ASMT: variants seen among roughly 807,000 people sequenced by gnomAD.
The protein encoded by ASMT is acetylserotonin N-methyltransferase.
ASMT carries 53 observed loss-of-function variants against 41.3 expected under a neutral mutation model. The observed-to-expected ratio is 1.28, with a 90% CI of 1.03 to 1.61. ASMT has a LOEUF of 1.61. Among genes scored for constraint, ASMT ranks in the 40% most tolerant of loss-of-function variants. The pLI, the probability that ASMT is intolerant of heterozygous loss-of-function variation, is 0.00. For synonymous variants in ASMT, 231 were observed against 184.8 expected, an observed-to-expected ratio of 1.25 and a Z score of -2.03; for missense variants, 531 against 441.3, an observed-to-expected ratio of 1.20 and a Z score of -1.82.
chrX:1,637,046 G>A (rs1935008653), intron 8 of ASMT, among the ~76,000 whole-genome samples: 1 of 105,002 alleles, frequency 9.5e-6, no homozygotes, highest in Non-Finnish European at 2.0e-5. Flanking sequence ...CATCCATCCT[G>A]ATGGCACATG....
At chrX:1,626,755 C>T (rs1264079345) in intron 3 of ASMT, among the ~76,000 whole-genome samples, 22 of 152,120 alleles carry the variant, frequency 1.4e-4, no homozygotes, top group Non-Finnish European at 2.5e-4. Flanking sequence ...TGGCCAGGCG[C>T]GGTGGCTCAC....
chrX:1,633,931 C>A lies in ASMT; in HGVS notation c.787+641C>A, dbSNP rs780302676. Among the ~76,000 whole-genome samples the A allele has an allele frequency of 6.7e-5, 10 of 150,372 alleles. No homozygotes were observed. The East Asian group carries it at 1.9e-3, about 29-fold the overall frequency. ...GGGATTACAGGTGTGAACCATCACACCCGGCCTCTTTTTGTATTTTTAGTA... is the reference window on the plus strand; with the variant it reads ...GGGATTACAGGTGTGAACCATCACAACCGGCCTCTTTTTGTATTTTTAGTA... On this transcript the variant is annotated intron_variant, in intron 7 of 8. Coordinates refer to ENST00000381241, the MANE Select transcript of ASMT (RefSeq NM_001171038.2).
intron 5 of ASMT, among the ~76,000 whole-genome samples, chrX:1,631,448 A>G (rs1934773461): frequency 6.6e-6 from 1 of 151,932 alleles, no homozygotes; most frequent in Non-Finnish European, 1.5e-5. Flanking sequence ...GCCGTGATCC[A>G]CCCACCCTAT....
At chrX:1,622,164 G>A (rs1176897862) in intron 1 of ASMT, among the ~76,000 whole-genome samples, 9 of 151,350 alleles carry the variant, frequency 5.9e-5, no homozygotes, top group African/African-American at 2.2e-4. Flanking sequence ...GCTAATTTTT[G>A]TATTTTTAGT....
At chrX:1,618,886 G>A (rs1168843900) in intron 1 of ASMT, among the ~76,000 whole-genome samples, 14 of 152,310 alleles carry the variant, frequency 9.2e-5, no homozygotes, top group African/African-American at 3.4e-4. Context: ...CGGTGTTCAG[G>A]GAGGTGGTCT....
rs1423104837 is a variant in ASMT, at chrX:1,615,100, C to T, written c.-100C>T. On this transcript the variant is annotated 5_prime_UTR_variant, in exon 1 of 9. Transcript: ENST00000381241. ...GGCAGCAGGGAGAGTCAGGCAGCAG[C>T]TGTGAGCGGGTGGCTCTTCCCCACC... 5.1e-6 allele frequency: 5 copies of T among 973,548 alleles called. No homozygotes were observed. The highest frequency in any genetic ancestry group is 8.1e-6 in the Non-Finnish European group (5 of 618,484). 60.3% of individuals were successfully genotyped at this position (973,548 alleles called of 1,614,324 possible). A position where few individuals can be genotyped will look rare whatever the true frequency, so the allele number is the denominator to read the frequency against.
chrX:1,619,239 C>CA (rs1187626094), intron 1 of ASMT, among the ~76,000 whole-genome samples: 1 of 151,678 alleles, frequency 6.6e-6, no homozygotes, highest in Non-Finnish European at 1.5e-5. Context: ...ACTAAAAATA[C>CA]AAAAATTACC....
Position 1,623,238 on chromosome X carries a change from G to C in ASMT, c.169G>C (p.Ala57Pro). ...AGTGGCTGCAGGTGTGAGGGCCAGC[G>C]CCCATGGGACAGAGCTCCTGCTGGA... The part of the protein sequence containing the change: ...AAVAAGVRAS[A>P]HGTELLLDIC... The change falls in exon 2 of 9, where the codon GCC (alanine) becomes CCC (proline). Residue 57 changes from alanine (A) to proline (P), a missense_variant. Physicochemically the swap from Ala to Pro is conservative, Grantham distance 27. Transcript: ENST00000381241. The C allele has an allele frequency of 6.2e-7, 1 of 1,613,758 alleles. No homozygotes were observed. The highest frequency in any genetic ancestry group is 2.2e-5 in the East Asian group (1 of 44,864).
At chrX:1,632,828 G>T in intron 6 of ASMT, 41 bp downstream of exon 6, 1 of 480,976 alleles carries the variant, frequency 2.1e-6, no homozygotes. Context: ...ACAGGGAGGG[G>T]AACGTCACAC....
intron 4 of ASMT, among the ~76,000 whole-genome samples, chrX:1,629,295 C>T (rs1175294654): frequency 6.6e-6 from 1 of 152,120 alleles, no homozygotes; most frequent in Admixed American, 6.6e-5. Context: ...GCAGGCTCTG[C>T]AGAGAGGACA....
intron 1 of ASMT, among the ~76,000 whole-genome samples, chrX:1,618,176 T>C (rs1463610678): frequency 1.3e-5 from 2 of 151,904 alleles, no homozygotes; most frequent in Admixed American, 1.3e-4. Flanking sequence ...TTTATTTATT[T>C]TTCTGATATG....
In ASMT at chrX:1,636,520, C is replaced by T. The variant is rs778127578; in HGVS notation, c.870C>T (p.Cys290=). 3.1e-6 allele frequency: 5 copies of T among 1,613,856 alleles called. No individual in the cohort carries two copies. In the Admixed American group the frequency reaches 5.0e-5, roughly 16 times the overall value. The part of the protein sequence containing the change: ...RVLHDWADGK[C]SHLLERIYHT... ...TCCATGACTGGGCAGACGGAAAGTG[C>T]TCACACCTGCTGGAGAGGATCTACC... is the stretch of plus-strand genomic sequence containing the variant. The change falls in exon 8 of 9, where the codon TGC becomes TGT. Residue 290 remains cysteine (C), a synonymous_variant. Coordinates refer to ENST00000381241, the MANE Select transcript of ASMT (RefSeq NM_001171038.2).
At chrX:1,631,732 T>G (rs1934784801) in intron 5 of ASMT, among the ~76,000 whole-genome samples, 2 of 150,890 alleles carry the variant, frequency 1.3e-5, no homozygotes, top group East Asian at 2.0e-4. Flanking sequence ...CTGGTCAACA[T>G]GGTGAAATCC....
In ASMT at chrX:1,636,514, A is replaced by G. The variant is rs755058931; in HGVS notation, c.864A>G (p.Gly288=). 1.2e-6 allele frequency: 2 copies of G among 1,613,916 alleles called. No individual in the cohort carries two copies. Among genetic ancestry groups the G allele is most frequent in the South Asian group, 1.1e-5 (1 of 91,072 alleles). The part of the protein sequence containing the change: ...LARVLHDWAD[G]KCSHLLERIY... The stretch of plus-strand genomic sequence containing the variant: ...GGGTCCTCCATGACTGGGCAGACGG[A>G]AAGTGCTCACACCTGCTGGAGAGGA... Residue 288 remains glycine, a synonymous_variant, in exon 8 of 9, where the codon GGA becomes GGG. Transcript: ENST00000381241.
Position 1,629,746 on chromosome X carries a change from G to C in ASMT, c.444-75G>C, listed in dbSNP as rs777915732. The C allele has an allele frequency of 8.9e-6, 12 of 1,343,610 alleles. No homozygotes were observed. The East Asian group carries it at 2.3e-4, about 26-fold the overall frequency. The allele number at this position is 1,343,610 out of a possible 1,614,324, so 83.2% of individuals were successfully genotyped here. Reference sequence around the variant, plus strand: ...TGGGGTATAGCTCCGTTCTCAACAGGGGGTTATGTACACCCTTGCTCTGGG... The same window carrying C: ...TGGGGTATAGCTCCGTTCTCAACAGCGGGTTATGTACACCCTTGCTCTGGG... On this transcript the variant is annotated intron_variant, in intron 4 of 8. Coordinates refer to ENST00000381241, the MANE Select transcript of ASMT (RefSeq NM_001171038.2).
At chrX:1,625,834 G>A (rs1427753395) in intron 3 of ASMT, among the ~76,000 whole-genome samples, 2 of 151,324 alleles carry the variant, frequency 1.3e-5, no homozygotes, top group African/African-American at 4.9e-5. Context: ...GGCGCCTGTA[G>A]TCCCAGCTAC....
At chrX:1,616,902 G>GT (rs1934149003) in intron 1 of ASMT, among the ~76,000 whole-genome samples, 1 of 151,904 alleles carries the variant, frequency 6.6e-6, no homozygotes. Context: ...TAGAGACGGG[G>GT]TTTCACCGTG....
At chrX:1,621,622 T>C (rs1934340910) in intron 1 of ASMT, among the ~76,000 whole-genome samples, 2 of 152,102 alleles carry the variant, frequency 1.3e-5, no homozygotes, top group African/African-American at 2.4e-5. Flanking sequence ...CTGGCTGATT[T>C]ATTCATTTTT....
intron 8 of ASMT, 116 bp downstream of exon 8, chrX:1,636,676 C>G (rs1433866437): frequency 2.7e-6 from 4 of 1,489,676 alleles, no homozygotes; most frequent in South Asian, 2.3e-5. Flanking sequence ...GACATCCTGC[C>G]CAATATGGCT....
Sources: gnomAD v4.1 joint callset for allele counts (sites outside exome capture counted in the v4.1 genomes callset) on GRCh38, gnomAD v4.1.1 for gene constraint, MANE v1.5 for transcripts, NCBI Gene and HGNC (gene_info 2026-07-23, HGNC 2026-07-21) for gene names.